Variants in APBA2 observed in about 807,000 individuals in gnomAD.
APBA2 encodes amyloid-beta A4 precursor protein-binding family A member 2.
In APBA2, 30 loss-of-function variants were observed where a neutral mutation model predicts 75.0. The ratio of observed to expected loss-of-function variants is 0.40; its 90% confidence interval spans 0.30 to 0.54. APBA2 has a LOEUF of 0.54. Ranked by LOEUF, APBA2 falls within the 20% of genes least tolerant of loss-of-function variation. The pLI is 0.49. For missense variants in APBA2, 801 were observed against 1,016.1 expected (o/e 0.79, Z 2.88); for synonymous variants, 444 against 409.6 (o/e 1.08, Z -1.01).
At chr15:29,030,785 T>C (rs1419354741) in intron 3 of APBA2, among the ~76,000 whole-genome samples, 2 of 151,778 alleles carry the variant, frequency 1.3e-5, no homozygotes, top group African/African-American at 2.4e-5. Context: ...CCTTCTCTAT[T>C]TGTTAGGTAC....
chr15:28,923,406 C>T (rs2034081317), intron 2 of APBA2, among the ~76,000 whole-genome samples: 1 of 152,146 alleles, frequency 6.6e-6, no homozygotes, highest in Non-Finnish European at 1.5e-5. Context: ...CTAACCCTAA[C>T]CCTAACTCTG....
chr15:28,965,903 A>G (rs942144994), intron 2 of APBA2, among the ~76,000 whole-genome samples: 1 of 152,098 alleles, frequency 6.6e-6, no homozygotes. Context: ...TCGTGTTGTC[A>G]TTTTAGTGCA....
chr15:29,024,624 G>A (rs1461576665), intron 3 of APBA2, among the ~76,000 whole-genome samples: 2 of 152,176 alleles, frequency 1.3e-5, no homozygotes, highest in African/African-American at 2.4e-5. Context: ...TAGCTCTTGC[G>A]CTTCTTGTAA....
chr15:28,970,959 T>C (rs1163456385), intron 2 of APBA2, among the ~76,000 whole-genome samples: 2 of 152,132 alleles, frequency 1.3e-5, no homozygotes, highest in Non-Finnish European at 2.9e-5. Context: ...ATGCATGTCA[T>C]CAGCTGTTGT....
chr15:28,932,827 T>G (rs1305835066), intron 2 of APBA2, among the ~76,000 whole-genome samples: 2 of 152,310 alleles, frequency 1.3e-5, no homozygotes, highest in African/African-American at 4.8e-5. Flanking sequence ...AGGGAGACAT[T>G]GGAATTCACA....
chr15:29,028,745 T>C (rs2040346884), intron 3 of APBA2, among the ~76,000 whole-genome samples: 1 of 152,238 alleles, frequency 6.6e-6, no homozygotes, highest in South Asian at 2.1e-4. Flanking sequence ...GATTTGCATT[T>C]CTCTAATGAT....
intron 3 of APBA2, among the ~76,000 whole-genome samples, chr15:29,048,360 A>T (rs941265194): frequency 6.6e-6 from 1 of 152,224 alleles, no homozygotes; most frequent in African/African-American, 2.4e-5. Flanking sequence ...AAGAAAAAAA[A>T]ATTCCCTAAA....
At chr15:28,957,398 C>T (rs2036232460) in intron 2 of APBA2, among the ~76,000 whole-genome samples, 1 of 152,134 alleles carries the variant, frequency 6.6e-6, no homozygotes, top group Non-Finnish European at 1.5e-5. Context: ...GTTTTCACTT[C>T]CTTCGGGCAT....
intron 3 of APBA2, among the ~76,000 whole-genome samples, chr15:29,044,729 C>G (rs2041218044): frequency 6.6e-6 from 1 of 152,134 alleles, no homozygotes; most frequent in Admixed American, 6.6e-5. Context: ...CTGAGGGAAA[C>G]AGAATAAACA....
Position 28,986,180 on chromosome 15 carries a change from A to G in APBA2, c.-94-9573A>G, listed in dbSNP as rs575532099. Among the ~76,000 whole-genome samples the G allele has an allele frequency of 3.3e-5, 5 of 152,334 alleles. No homozygotes were observed. In the South Asian group the frequency reaches 1.0e-3, roughly 32 times the overall value. On this transcript the variant is annotated intron_variant, in intron 2 of 14. Coordinates refer to ENST00000683413, the MANE Select transcript of APBA2 (RefSeq NM_001353788.2). ...AGTTTCCTGCCTCCTGGAGGAGAGA[A>G]GCCATTCCCCGATCACCCAAAAGGA...
intron 3 of APBA2, among the ~76,000 whole-genome samples, chr15:29,052,335 G>A (rs2041634457): frequency 6.6e-6 from 1 of 151,906 alleles, no homozygotes; most frequent in South Asian, 2.1e-4. Context: ...GACACCTGTA[G>A]TCCCAGCTAC....
chr15:28,943,723 G>A (rs2035368826), intron 2 of APBA2, among the ~76,000 whole-genome samples: 1 of 151,452 alleles, frequency 6.6e-6, no homozygotes, highest in Non-Finnish European at 1.5e-5. Flanking sequence ...GACGCTCATC[G>A]ATGGCCCCGG....
chr15:29,051,188 C>G (rs533172234), intron 3 of APBA2, among the ~76,000 whole-genome samples: 1 of 152,194 alleles, frequency 6.6e-6, no homozygotes, highest in Non-Finnish European at 1.5e-5. Context: ...GTCTTTGAGG[C>G]AGCTCAGTGT....
intron 4 of APBA2, 121 bp from the exon 5 acceptor site, chr15:29,074,800 C>T: frequency 1.3e-6 from 1 of 780,748 alleles, no homozygotes; most frequent in East Asian, 2.6e-5. Context: ...TGCACACACA[C>T]CTATACACAT....
chr15:28,928,382 A>G (rs1369738277), intron 2 of APBA2, among the ~76,000 whole-genome samples: 1 of 152,018 alleles, frequency 6.6e-6, no homozygotes, highest in Non-Finnish European at 1.5e-5. Context: ...GCTTCCCTAA[A>G]TTCCCTTCCT....
At chr15:28,947,985 G>A (rs573089527) in intron 2 of APBA2, among the ~76,000 whole-genome samples, 2 of 152,326 alleles carry the variant, frequency 1.3e-5, no homozygotes, top group African/African-American at 4.8e-5. Flanking sequence ...GAGCCAAGTC[G>A]TGGCTCTAGG....
At chr15:29,039,346 C>A (rs1017056450) in intron 3 of APBA2, among the ~76,000 whole-genome samples, 2 of 151,924 alleles carry the variant, frequency 1.3e-5, no homozygotes, top group African/African-American at 2.4e-5. Context: ...CCCTTAACAG[C>A]GTAACTCTCT....
At chr15:29,104,730 G>A (rs2044310767) in intron 10 of APBA2, among the ~76,000 whole-genome samples, 1 of 152,210 alleles carries the variant, frequency 6.6e-6, no homozygotes, top group African/African-American at 2.4e-5. Flanking sequence ...ACAACTAGCA[G>A]CACGATGCTC....
At chr15:29,090,352 C>T (rs530570472) in intron 6 of APBA2, among the ~76,000 whole-genome samples, 3 of 152,328 alleles carry the variant, frequency 2.0e-5, no homozygotes, top group South Asian at 2.1e-4. Flanking sequence ...GAGCTACTGA[C>T]GCTCACTTCA....
Sources: gnomAD v4.1 joint callset for allele counts (sites outside exome capture counted in the v4.1 genomes callset) on GRCh38, gnomAD v4.1.1 for gene constraint, MANE v1.5 for transcripts, NCBI Gene and HGNC (gene_info 2026-07-23, HGNC 2026-07-21) for gene names.